The following CLEC4D variants were observed in gnomAD, a reference collection of about 807,000 sequenced individuals.
CLEC4D encodes the protein C-type lectin domain family 4 member D.
CLEC4D carries 21 observed loss-of-function variants against 21.1 expected under a neutral mutation model. The observed-to-expected ratio is 1.00, with a 90% CI of 0.71 to 1.43. The LOEUF (loss-of-function observed/expected upper bound fraction) is 1.43, where lower values mean the gene tolerates loss of function less well. Among genes scored for constraint, CLEC4D ranks in the 40% most tolerant of loss-of-function variants. The pLI is 0.00. For missense variants in CLEC4D, 289 were observed against 260.7 expected (o/e 1.11, Z -0.75); for synonymous variants, 85 against 83.1 (o/e 1.02, Z -0.12).
At position 8,513,739 on chromosome 12, in the gene CLEC4D, C is replaced by T. The variant is rs779427192; in HGVS notation, c.7C>T (p.Leu3=). 5.3e-6 allele frequency: 6 copies of T among 1,141,532 alleles called. No homozygotes were observed. In the East Asian group the frequency reaches 1.4e-4, roughly 27 times the overall value. 70.7% of individuals were successfully genotyped at this position (1,141,532 alleles called of 1,614,324 possible). ...ACAAGAGACTAATTAGACAATGGGG[C>T]TAGAAAAACCTCAAAGTAAACGTGA... The part of the protein sequence containing the change: MG[L]EKPQSKLEGG... The change falls in exon 1 of 6, where the codon CTA becomes TTA. Residue 3 remains leucine, a synonymous_variant. Transcript: ENST00000299665.
At chr12:8,513,809 C>T in intron 1 of CLEC4D, 49 bp downstream of exon 1, 1 of 855,198 alleles carries the variant, frequency 1.2e-6, no homozygotes, top group Non-Finnish European at 2.0e-6. Flanking sequence ...TGGAATTATA[C>T]TAATTTAAAA....
Position 8,521,305 on chromosome 12 carries a change from A to G in CLEC4D, c.*34A>G. On this transcript the variant is annotated 3_prime_UTR_variant, in exon 6 of 6. Coordinates refer to ENST00000299665, the MANE Select transcript of CLEC4D (RefSeq NM_080387.5). Reference sequence around the variant, plus strand: ...AAAGTGGTCCTTGTGATGGAAAGAGAAAAGAAAAACCAATTAGAATAAGGC... The same window carrying G: ...AAAGTGGTCCTTGTGATGGAAAGAGGAAAGAAAAACCAATTAGAATAAGGC... 6.3e-7 allele frequency: 1 copy of G among 1,587,834 alleles called. No individual in the cohort carries two copies. Among genetic ancestry groups the G allele is most frequent in the Non-Finnish European group, 8.5e-7 (1 of 1,170,536 alleles).
chr12:8,526,297 A>G (rs1940504998), downstream of CLEC4D, among the ~76,000 whole-genome samples: 1 of 151,986 alleles, frequency 6.6e-6, no homozygotes, highest in African/African-American at 2.4e-5. Context: ...GCTTGTTTCC[A>G]TTCTTCCTGT....
At chr12:8,523,820 T>C (rs1048701075), downstream of CLEC4D, among the ~76,000 whole-genome samples, 6 of 152,132 alleles carry the variant, frequency 3.9e-5, no homozygotes, top group African/African-American at 1.2e-4. Context: ...TTCAATATGA[T>C]ATATTGGCTG....
chr12:8,513,503 G>A lies in CLEC4D; in HGVS notation c.-230G>A, dbSNP rs187827945. ...TCAATTTCCTTTTTTTTTTTTTTTC[G>A]CCTCATCTCCCGGAATGTATCAAAG... On this transcript the variant is annotated 5_prime_UTR_variant, in exon 1 of 6. Coordinates refer to ENST00000299665, the MANE Select transcript of CLEC4D (RefSeq NM_080387.5). The A allele has an allele frequency of 9.0e-5, 23 of 255,798 alleles. No individual in the cohort carries two copies. The highest frequency in any genetic ancestry group is 5.6e-4 in the East Asian group (10 of 17,976). The allele number at this position is 255,798 out of a possible 1,614,324, so 15.8% of individuals were successfully genotyped here.
chr12:8,531,498 G>T, the CLEC4D span, among the ~76,000 whole-genome samples: 2 of 152,106 alleles, frequency 1.3e-5, no homozygotes, highest in African/African-American at 4.8e-5. Flanking sequence ...AATCTATAAA[G>T]GCTGTAACAT....
At chr12:8,526,752 G>A (rs1268624661), downstream of CLEC4D, among the ~76,000 whole-genome samples, 14 of 152,116 alleles carry the variant, frequency 9.2e-5, no homozygotes, top group Non-Finnish European at 1.8e-4. Flanking sequence ...TGATCATTTG[G>A]AGGAGAAGAG....
Position 8,519,055 on chromosome 12 carries a change from C to A in CLEC4D, c.279C>A (p.Ser93=). ...CCPIDWRAFQ[S]NCYFPLTDNK... ...CTATTGACTGGAGAGCCTTCCAGTCCAACTGCTATTTTCCTCTTACTGACA... is the reference window on the plus strand; with the variant it reads ...CTATTGACTGGAGAGCCTTCCAGTCAAACTGCTATTTTCCTCTTACTGACA... The change falls in exon 4 of 6, where the codon TCC becomes TCA. Residue 93 remains serine, a synonymous_variant. Coordinates refer to ENST00000299665, the MANE Select transcript of CLEC4D (RefSeq NM_080387.5). 2.5e-6 allele frequency: 4 copies of A among 1,614,058 alleles called. No individual in the cohort carries two copies. The highest frequency in any genetic ancestry group is 3.4e-6 in the Non-Finnish European group (4 of 1,180,010).
At chr12:8,524,340 T>G (rs929457694), downstream of CLEC4D, among the ~76,000 whole-genome samples, 6 of 98,502 alleles carry the variant, frequency 6.1e-5, no homozygotes, top group East Asian at 2.2e-4. Flanking sequence ...GCTTTTTTTT[T>G]TTGTTTGGTA....
In CLEC4D at chr12:8,518,223, C is replaced by G; in HGVS notation, c.181C>G (p.His61Asp). Residue 61 changes from histidine (H) to aspartate (D), a missense_variant, in exon 3 of 6, where the codon CAT becomes GAT. By Grantham distance (81) the His-to-Asp change is moderately conservative. Coordinates refer to ENST00000299665, the MANE Select transcript of CLEC4D (RefSeq NM_080387.5). ...RGTGVHKLEHHAKLKCIKEKS... is the reference protein window; with the variant it reads ...RGTGVHKLEHDAKLKCIKEKS... ...CACAGGAGTGCACAAGTTAGAGCAC[C>G]ATGCAAAGCTCAAATGCATCAAAGA... 1 of 1,440,892 alleles carries G rather than the reference C, an allele frequency of 6.9e-7. No homozygotes were observed. Among genetic ancestry groups the G allele is most frequent in the Non-Finnish European group, 9.8e-7 (1 of 1,022,286 alleles). The allele number at this position is 1,440,892 out of a possible 1,614,324, so 89.3% of individuals were successfully genotyped here.
chr12:8,517,240 A>G (rs1940392546), intron 2 of CLEC4D, among the ~76,000 whole-genome samples: 2 of 152,178 alleles, frequency 1.3e-5, no homozygotes, highest in Admixed American at 6.5e-5. Flanking sequence ...TGTTCACCTT[A>G]CAATAATTTG....
chr12:8,525,493 A>C (rs1477967119), downstream of CLEC4D, among the ~76,000 whole-genome samples: 1 of 152,124 alleles, frequency 6.6e-6, no homozygotes, highest in East Asian at 1.9e-4. Flanking sequence ...GTTTTGTCAG[A>C]GACTAAGATT....
Position 8,515,291 on chromosome 12 carries a change from C to A in CLEC4D, c.84C>A (p.Ile28=). 6.6e-7 allele frequency: 1 copy of A among 1,523,290 alleles called. No homozygotes were observed. The highest frequency in any genetic ancestry group is 9.1e-7 in the Non-Finnish European group (1 of 1,097,624). The allele number at this position is 1,523,290 out of a possible 1,614,324, so 94.4% of individuals were successfully genotyped here. The part of the protein sequence containing the change: ...LIPSVIAVVF[I]LLLSVCFIAS... ...CTTCGGTTATTGCTGTAGTTTTCAT[C>A]TTACTTCTCAGTGTCTGTTTTATTG... The change falls in exon 2 of 6, where the codon ATC becomes ATA. Residue 28 remains isoleucine (I), a synonymous_variant. Transcript: ENST00000299665.
Position 8,522,103 on chromosome 12 carries a change from G to T in CLEC4D, c.*832G>T, listed in dbSNP as rs1940465995. 3 of 152,126 alleles carry T rather than the reference G, an allele frequency of 2.0e-5. No individual in the cohort carries two copies. The South Asian group carries it at 6.2e-4, about 31-fold the overall frequency. 9.4% of individuals were successfully genotyped at this position (152,126 alleles called of 1,614,324 possible). A position where few individuals can be genotyped will look rare whatever the true frequency, so the allele number is the denominator to read the frequency against. On this transcript the variant is annotated 3_prime_UTR_variant, in exon 6 of 6. Transcript: ENST00000299665. Reference sequence around the variant, plus strand: ...GGGGATTACTCGACCTCATTACTTAGCTAACGACTGGATAAAATTTCTTAA... The same window carrying T: ...GGGGATTACTCGACCTCATTACTTATCTAACGACTGGATAAAATTTCTTAA...
In CLEC4D at chr12:8,519,088, G is replaced by C. The variant is rs148408697; in HGVS notation, c.312G>C (p.Thr104=). The C allele has an allele frequency of 3.5e-5, 57 of 1,614,012 alleles. No homozygotes were observed. In the Admixed American group the frequency reaches 4.7e-4, roughly 13 times the overall value. ...ATTTTCCTCTTACTGACAACAAGACGTGGGCTGAGAGTGAAAGGAACTGTT... is the reference window on the plus strand; with the variant it reads ...ATTTTCCTCTTACTGACAACAAGACCTGGGCTGAGAGTGAAAGGAACTGTT... The part of the protein sequence containing the change: ...NCYFPLTDNK[T]WAESERNCSG... The change falls in exon 4 of 6, where the codon ACG becomes ACC. Residue 104 remains threonine, a synonymous_variant. Coordinates refer to ENST00000299665, the MANE Select transcript of CLEC4D (RefSeq NM_080387.5).
chr12:8,517,083 G>A (rs79083833), intron 2 of CLEC4D, among the ~76,000 whole-genome samples: 2,064 of 152,286 alleles, frequency 0.014, 50 homozygotes, highest in African/African-American at 0.046. Context: ...GCAAAGCACA[G>A]CGGTTACTTT....
At chr12:8,515,951 G>A (rs1940374799) in intron 2 of CLEC4D, among the ~76,000 whole-genome samples, 1 of 152,016 alleles carries the variant, frequency 6.6e-6, no homozygotes, top group South Asian at 2.1e-4. Context: ...AGGAGAGCTT[G>A]GTTACAGATC....
chr12:8,527,659 C>A, the CLEC4D span, among the ~76,000 whole-genome samples: 1 of 152,334 alleles, frequency 6.6e-6, no homozygotes, highest in African/African-American at 2.4e-5. Flanking sequence ...CTGCCCCTCC[C>A]TCAAAGAGCG....
chr12:8,516,419 A>G (rs148456401), intron 2 of CLEC4D, among the ~76,000 whole-genome samples: 124 of 152,380 alleles, frequency 8.1e-4, no homozygotes, highest in African/African-American at 2.8e-3. Flanking sequence ...AAAAATACTT[A>G]CAATAAAAAA....
Sources: allele counts gnomAD v4.1 joint callset (sites outside exome capture counted in the v4.1 genomes callset), GRCh38; gene constraint gnomAD v4.1.1; transcripts MANE v1.5; gene names NCBI Gene and HGNC (gene_info 2026-07-23, HGNC 2026-07-21).